The following NBAS variants were observed in gnomAD, a reference collection of about 807,000 sequenced individuals.
The protein encoded by NBAS is NAG/BC035112 fusion.
Under a neutral mutation model 302.5 loss-of-function variants are expected in NBAS, and 219 were observed. The ratio of observed to expected loss-of-function variants is 0.72; its 90% CI spans 0.65 to 0.81. The LOEUF is 0.81. Ranked by LOEUF, NBAS falls within the 30% of genes least tolerant of loss-of-function variation. NBAS has a pLI of 0.00. For missense variants in NBAS, 2,932 were observed against 2,841.6 expected (o/e 1.03, Z -0.72); for synonymous variants, 1,118 against 1,021.6 (o/e 1.09, Z -1.80).
chr2:15,538,176 G>A (rs1332320634), intron 7 of NBAS, among the ~76,000 whole-genome samples: 1 of 151,860 alleles, frequency 6.6e-6, no homozygotes, highest in Non-Finnish European at 1.5e-5. Flanking sequence ...TCTCATTGTA[G>A]TTACTATTAA....
intron 43 of NBAS, among the ~76,000 whole-genome samples, chr2:15,276,324 T>C (rs1049229878): frequency 7.9e-5 from 12 of 152,324 alleles, no homozygotes; most frequent in African/African-American, 2.9e-4. Flanking sequence ...ACAAACAGAT[T>C]TGAATGTGCC....
intron 47 of NBAS, among the ~76,000 whole-genome samples, chr2:15,227,349 G>T (rs1432687109): frequency 6.6e-6 from 1 of 151,982 alleles, no homozygotes; most frequent in African/African-American, 2.4e-5. Context: ...TGAAAAAATG[G>T]AAGAGGACAC....
Position 15,489,114 on chromosome 2 carries a change from T to C in NBAS, c.955-92A>G. 5.0e-6 allele frequency: 7 copies of C among 1,394,170 alleles called. No individual in the cohort carries two copies. In the South Asian group the frequency reaches 7.1e-5, roughly 14 times the overall value. 86.4% of individuals were successfully genotyped at this position (1,394,170 alleles called of 1,614,324 possible). A position where few individuals can be genotyped will look rare whatever the true frequency, so the allele number is the denominator to read the frequency against. On this transcript the variant is annotated intron_variant, in intron 11 of 51. Transcript: ENST00000281513. The stretch of plus-strand genomic sequence containing the variant: ...GACACTCTTTAGAGGTGCCAAGTTA[T>C]AAATGATCTTTAGTAATTAAGAGTT...
At chr2:15,558,144 C>T (rs1256881770) in intron 2 of NBAS, among the ~76,000 whole-genome samples, 1 of 152,180 alleles carries the variant, frequency 6.6e-6, no homozygotes, top group Non-Finnish European at 1.5e-5. Flanking sequence ...ACCTAGATCC[C>T]TCACACGTGC....
chr2:15,191,211 C>T (rs1188313372), intron 48 of NBAS, among the ~76,000 whole-genome samples: 1 of 152,148 alleles, frequency 6.6e-6, no homozygotes, highest in Non-Finnish European at 1.5e-5. Flanking sequence ...TGGGTACAGA[C>T]ATTCAGATGA....
chr2:15,407,484 T>G (rs1030291514), intron 25 of NBAS, among the ~76,000 whole-genome samples: 1 of 152,096 alleles, frequency 6.6e-6, no homozygotes, highest in Non-Finnish European at 1.5e-5. Context: ...AACCGCTCAA[T>G]CCCTGATCAG....
At chr2:14,844,130 T>C in the NBAS span, among the ~76,000 whole-genome samples, 3 of 151,988 alleles carry the variant, frequency 2.0e-5, no homozygotes, top group Non-Finnish European at 4.4e-5. Context: ...AGCTTGTGAC[T>C]ACAAAGAAGA....
rs777642697 is a variant in NBAS, at chr2:15,327,708, TAG to T, written c.4582+40_4582+41del. On this transcript the variant is annotated intron_variant, in intron 38 of 51. Transcript: ENST00000281513. Reference sequence around the variant, plus strand: ...AAATTTTTGGTTAACAATGTTCACCTAGAGTTACACACTGTCAAGGGACTAGA... The same window carrying T: ...AAATTTTTGGTTAACAATGTTCACCTAGTTACACACTGTCAAGGGACTAGA... 3.1e-6 allele frequency: 5 copies of T among 1,612,180 alleles called. No homozygotes were observed. In the South Asian group the frequency reaches 4.4e-5, roughly 14 times the overall value.
the NBAS span, among the ~76,000 whole-genome samples, chr2:15,051,416 A>T: frequency 1.3e-5 from 2 of 152,204 alleles, no homozygotes; most frequent in African/African-American, 4.8e-5. Flanking sequence ...CAGGTGGCTG[A>T]CAGAAGCACA....
At chr2:14,902,406 A>G in the NBAS span, among the ~76,000 whole-genome samples, 1 of 152,248 alleles carries the variant, frequency 6.6e-6, no homozygotes, top group South Asian at 2.1e-4. Flanking sequence ...TGCTTGGATT[A>G]CAGATTTGCA....
At chr2:15,006,837 C>T in the NBAS span, among the ~76,000 whole-genome samples, 3 of 152,218 alleles carry the variant, frequency 2.0e-5, no homozygotes, top group Admixed American at 6.5e-5. Context: ...TTCATACATG[C>T]TAGCTTGTCC....
the NBAS span, among the ~76,000 whole-genome samples, chr2:14,893,742 C>G: frequency 2.0e-5 from 3 of 152,288 alleles, no homozygotes; most frequent in Admixed American, 6.5e-5. Flanking sequence ...CCACCCCAGT[C>G]CATCCTAGCA....
the NBAS span, among the ~76,000 whole-genome samples, chr2:15,127,255 T>A: frequency 6.6e-6 from 1 of 152,246 alleles, no homozygotes; most frequent in Admixed American, 6.5e-5. Flanking sequence ...TCTCAAACTC[T>A]TAGCTGCTTA....
rs143215830 is a variant in NBAS, at chr2:15,327,827, C to G, written c.4505G>C (p.Ser1502Thr). The stretch of plus-strand genomic sequence containing the variant: ...AGTTCTCAGCAATACTTCTGCAAAG[C>G]TTTCCACTGGAACATGCTGATAGGT... ...YDTYQHVPVE[S>T]FAEVLLRTGK... The change falls in exon 38 of 52, where the codon AGC (serine) becomes ACC (threonine). Residue 1502 changes from serine (S) to threonine (T), a missense_variant. By Grantham distance (58) the Ser-to-Thr change is moderately conservative (BLOSUM62 1). Coordinates refer to ENST00000281513, the MANE Select transcript of NBAS (RefSeq NM_015909.4). 5.0e-5 allele frequency: 81 copies of G among 1,613,544 alleles called. No homozygotes were observed. The highest frequency in any genetic ancestry group is 6.5e-5 in the Non-Finnish European group (77 of 1,179,774).
At chr2:15,412,846 C>T (rs1469451343) in intron 25 of NBAS, among the ~76,000 whole-genome samples, 1 of 152,126 alleles carries the variant, frequency 6.6e-6, no homozygotes, top group African/African-American at 2.4e-5. Flanking sequence ...TCCAAACCAC[C>T]GTTGACTACA....
the NBAS span, among the ~76,000 whole-genome samples, chr2:14,822,963 CCAAA>C: frequency 6.6e-6 from 1 of 152,180 alleles, no homozygotes; most frequent in Non-Finnish European, 1.5e-5. Flanking sequence ...AAATGACTTT[CCAAA>C]CAGTGACAGA....
the NBAS span, among the ~76,000 whole-genome samples, chr2:15,105,537 A>C: frequency 6.6e-6 from 1 of 151,992 alleles, no homozygotes; most frequent in Admixed American, 6.6e-5. Flanking sequence ...CTCCTAGCTC[A>C]CTATCCTTAG....
chr2:14,899,565 A>G, the NBAS span, among the ~76,000 whole-genome samples: 1 of 152,216 alleles, frequency 6.6e-6, no homozygotes, highest in East Asian at 1.9e-4. Context: ...CTGTGTTGAT[A>G]GGCCATTCAT....
chr2:15,078,215 C>T, the NBAS span, among the ~76,000 whole-genome samples: 1,911 of 152,130 alleles, frequency 0.013, 13 homozygotes, highest in Admixed American at 0.018. Flanking sequence ...AATGGGAAGT[C>T]CTAGAAAGGT....
Sources: allele counts gnomAD v4.1 joint callset (sites outside exome capture counted in the v4.1 genomes callset), GRCh38; gene constraint gnomAD v4.1.1; transcripts MANE v1.5; gene names NCBI Gene and HGNC (gene_info 2026-07-23, HGNC 2026-07-21).